The following ATP8A2 variants were observed in gnomAD, a reference collection of about 807,000 sequenced individuals.
ATP8A2 encodes the protein phospholipid-transporting ATPase IB.
A neutral mutation model predicts 165.6 loss-of-function variants in ATP8A2; 100 were observed. That is an observed-to-expected ratio of 0.60 (90% CI 0.51 to 0.71). The LOEUF (loss-of-function observed/expected upper bound fraction) is 0.71, where lower values mean the gene tolerates loss of function less well. Among genes scored for constraint, ATP8A2 ranks in the 30% least tolerant of loss-of-function variants. The pLI, the probability that ATP8A2 is intolerant of heterozygous loss-of-function variation, is 0.00. For missense variants in ATP8A2, 1,227 were observed against 1,479.5 expected (o/e 0.83, Z 2.80); for synonymous variants, 543 against 548.8 (o/e 0.99, Z 0.15).
chr13:25,408,670 C>T (rs78605815), intron 1 of ATP8A2, among the ~76,000 whole-genome samples: 1 of 151,396 alleles, frequency 6.6e-6, no homozygotes, highest in African/African-American at 2.4e-5. Flanking sequence ...ACACTAAGCC[C>T]TAAACTCTTT....
chr13:25,711,910 C>A (rs2043166932), intron 25 of ATP8A2, among the ~76,000 whole-genome samples: 1 of 152,098 alleles, frequency 6.6e-6, no homozygotes, highest in Non-Finnish European at 1.5e-5. Context: ...AGTTCATTTC[C>A]AGCATTGTGA....
intron 24 of ATP8A2, among the ~76,000 whole-genome samples, chr13:25,674,874 C>T (rs552035258): frequency 3.3e-5 from 5 of 152,308 alleles, no homozygotes; most frequent in Admixed American, 6.5e-5. Context: ...ATTTCTCACT[C>T]GCCTTCAAAA....
At chr13:25,920,464 C>T (rs562729039) in intron 33 of ATP8A2, among the ~76,000 whole-genome samples, 20 of 152,312 alleles carry the variant, frequency 1.3e-4, no homozygotes, top group African/African-American at 2.2e-4. Context: ...GTTCCCCTGC[C>T]CACTTCCTCC....
chr13:25,828,329 C>A, intron 28 of ATP8A2, 137 bp downstream of exon 28: 1 of 745,914 alleles, frequency 1.3e-6, no homozygotes, highest in Non-Finnish European at 2.3e-6. Flanking sequence ...CATCTTTGGG[C>A]CCTTTGTTGC....
At chr13:25,916,572 C>T (rs1344198267) in intron 33 of ATP8A2, among the ~76,000 whole-genome samples, 1 of 152,184 alleles carries the variant, frequency 6.6e-6, no homozygotes, top group Non-Finnish European at 1.5e-5. Context: ...GTTATCGCGT[C>T]GGCTGTGCCA....
chr13:25,846,728 T>C (rs973688342), intron 30 of ATP8A2, among the ~76,000 whole-genome samples: 49 of 152,296 alleles, frequency 3.2e-4, no homozygotes, highest in Admixed American at 2.5e-3. Context: ...AGGATAATGA[T>C]TGGAGTCCTG....
At position 25,769,227 on chromosome 13, in the gene ATP8A2, C is replaced by G; in HGVS notation, c.2566C>G (p.Gln856Glu). The G allele has an allele frequency of 6.2e-7, 1 of 1,604,650 alleles. No homozygotes were observed. The highest frequency in any genetic ancestry group is 8.5e-7 in the Non-Finnish European group (1 of 1,172,542). The change falls in exon 26 of 37, where the codon CAG becomes GAG. Residue 856 changes from glutamine to glutamate, a missense_variant and splice_region_variant. By Grantham distance (29) the Gln-to-Glu change is conservative. This residue lies in a region of ATP8A2 where 592 missense variants were observed against 785.6 expected (regional missense o/e 0.75). Transcript: ENST00000381655. Reference protein sequence around the residue: ...ATNNSDYAIAQFSYLEKLLLV... With the variant: ...ATNNSDYAIAEFSYLEKLLLV... ...CAACAACTCGGATTACGCCATCGCA[C>G]AGGTCAGCAGCTTGGGCGTCCAGCT...
At chr13:25,666,519 C>T (rs895080816) in intron 24 of ATP8A2, among the ~76,000 whole-genome samples, 3 of 152,116 alleles carry the variant, frequency 2.0e-5, no homozygotes, top group Non-Finnish European at 2.9e-5. Context: ...GGATAACAGG[C>T]GTGAGTCACC....
intron 27 of ATP8A2, among the ~76,000 whole-genome samples, chr13:25,786,202 G>A (rs556203387): frequency 2.8e-3 from 426 of 152,268 alleles, no homozygotes; most frequent in Non-Finnish European, 5.5e-3. Context: ...CTTTCAAGTG[G>A]TAAATAATCT....
At chr13:25,814,727 T>A (rs554382811) in intron 27 of ATP8A2, among the ~76,000 whole-genome samples, 1 of 151,488 alleles carries the variant, frequency 6.6e-6, no homozygotes, top group East Asian at 1.9e-4. Context: ...ATGAAAAAGA[T>A]AATTCAGGAC....
rs1593355878 is a variant in ATP8A2, at chr13:25,793,332, A to G, written c.2679+18373A>G. Among the ~76,000 whole-genome samples the G allele has an allele frequency of 2.0e-5, 3 of 152,238 alleles. No individual in the cohort carries two copies. The East Asian group carries it at 5.8e-4, about 29-fold the overall frequency. On this transcript the variant is annotated intron_variant, in intron 27 of 36. Coordinates refer to ENST00000381655, the MANE Select transcript of ATP8A2 (RefSeq NM_016529.6). ...TGCCTAGAGGTTTTCAGAGTAAATT[A>G]CAAGAGTACTACATAGACTTTATAT...
intron 24 of ATP8A2, among the ~76,000 whole-genome samples, chr13:25,601,636 C>G (rs960245221): frequency 6.6e-6 from 1 of 152,068 alleles, no homozygotes; most frequent in Non-Finnish European, 1.5e-5. Context: ...CCACCAGGCC[C>G]GGCTAATTTT....
intron 1 of ATP8A2, among the ~76,000 whole-genome samples, chr13:25,463,005 C>T (rs569185307): frequency 6.6e-6 from 1 of 151,926 alleles, no homozygotes; most frequent in Non-Finnish European, 1.5e-5. Context: ...CGTGGGACGG[C>T]CTGTGTGACT....
chr13:25,650,090 A>G (rs1347071871), intron 24 of ATP8A2, among the ~76,000 whole-genome samples: 2 of 152,140 alleles, frequency 1.3e-5, no homozygotes, highest in African/African-American at 4.8e-5. Flanking sequence ...TGTAGAAACC[A>G]TGGTTTTTGG....
At chr13:25,638,773 T>G (rs1289161761) in intron 24 of ATP8A2, among the ~76,000 whole-genome samples, 2 of 151,956 alleles carry the variant, frequency 1.3e-5, no homozygotes, top group Admixed American at 1.3e-4. Flanking sequence ...AAGATACTCC[T>G]CCAGAAGAGC....
At chr13:25,925,543 A>C (rs143711145) in intron 33 of ATP8A2, among the ~76,000 whole-genome samples, 13 of 152,118 alleles carry the variant, frequency 8.5e-5, no homozygotes, top group African/African-American at 2.9e-4. Flanking sequence ...CTCAAAAAAA[A>C]AAAAAACAAA....
intron 24 of ATP8A2, among the ~76,000 whole-genome samples, chr13:25,611,886 T>G (rs1053685529): frequency 6.6e-6 from 1 of 152,148 alleles, no homozygotes; most frequent in East Asian, 1.9e-4. Flanking sequence ...TTTCCAGTAA[T>G]TTATCTATCT....
chr13:25,664,496 G>A (rs74684356), intron 24 of ATP8A2, among the ~76,000 whole-genome samples: 2,212 of 152,284 alleles, frequency 0.015, 49 homozygotes, highest in African/African-American at 0.049. Flanking sequence ...GCTGGTAGAA[G>A]TCTGAGATAG....
intron 24 of ATP8A2, among the ~76,000 whole-genome samples, chr13:25,602,305 CAG>C (rs1189980288): frequency 2.0e-5 from 3 of 152,050 alleles, no homozygotes; most frequent in Non-Finnish European, 4.4e-5. Flanking sequence ...GATGAGGAAA[CAG>C]GGCTGGCGGG....
Sources: gnomAD v4.1 joint callset for allele counts (sites outside exome capture counted in the v4.1 genomes callset) on GRCh38, gnomAD v4.1.1 for gene constraint, gnomAD v4.1.1 regional missense constraint, MANE v1.5 for transcripts, NCBI Gene and HGNC (gene_info 2026-07-23, HGNC 2026-07-21) for gene names.